The following RIC1 variants were observed in gnomAD, a reference collection of about 807,000 sequenced individuals.
The protein encoded by RIC1 is RIC1 partner of RAB6A GEF complex.
Under a neutral mutation model 169.0 loss-of-function variants are expected in RIC1, and 88 were observed. The ratio of observed to expected loss-of-function variants is 0.52; its 90% CI spans 0.44 to 0.62. The LOEUF (loss-of-function observed/expected upper bound fraction) is 0.62. Among genes scored for constraint, RIC1 ranks in the 20% least tolerant of loss-of-function variants. The pLI is 0.00. For missense variants in RIC1, 1,877 were observed against 1,725.5 expected (o/e 1.09, Z -1.56); for synonymous variants, 790 against 601.5 (o/e 1.31, Z -4.59).
chr9:5,755,237 A>G (rs1380716716), intron 15 of RIC1, among the ~76,000 whole-genome samples: 3 of 152,190 alleles, frequency 2.0e-5, no homozygotes. Context: ...CTGTCCTCAG[A>G]GATAGATTTA....
intron 3 of RIC1, among the ~76,000 whole-genome samples, chr9:5,704,539 A>G (rs1307666278): frequency 6.6e-6 from 1 of 152,034 alleles, no homozygotes; most frequent in African/African-American, 2.4e-5. Context: ...TGGTTTGTTT[A>G]TCTTTGAGTT....
At chr9:5,662,875 T>C (rs1301932882) in intron 2 of RIC1, among the ~76,000 whole-genome samples, 2 of 152,186 alleles carry the variant, frequency 1.3e-5, no homozygotes, top group Admixed American at 6.5e-5. Context: ...TGTCTTCTGC[T>C]AGCTTTTGGG....
At chr9:5,646,132 G>C (rs1291906378) in intron 1 of RIC1, among the ~76,000 whole-genome samples, 1 of 152,226 alleles carries the variant, frequency 6.6e-6, no homozygotes, top group South Asian at 2.1e-4. Flanking sequence ...TGGGTCCAAT[G>C]TGGTATGTCA....
In RIC1 at chr9:5,655,802, G is replaced by C. The variant is rs547388439; in HGVS notation, c.145-781G>C. ...TTTTTTTTAATACCTTGTTGGATTT[G>C]ATTTGCTAATATTTTGTTGAGAGGT... On this transcript the variant is annotated intron_variant, in intron 1 of 25. Transcript: ENST00000414202. Among the ~76,000 whole-genome samples the C allele has an allele frequency of 3.9e-5, 6 of 151,978 alleles. No individual in the cohort carries two copies. In the South Asian group the frequency reaches 8.3e-4, roughly 21 times the overall value.
intron 22 of RIC1, 50 bp downstream of exon 22, chr9:5,769,306 G>A (rs763567176): frequency 4.8e-5 from 77 of 1,613,588 alleles, no homozygotes; most frequent in East Asian, 6.7e-5. Context: ...ATTTTACTCC[G>A]TGTATTTACA....
chr9:5,716,442 G>C (rs944883136), intron 4 of RIC1, among the ~76,000 whole-genome samples: 3 of 152,048 alleles, frequency 2.0e-5, no homozygotes, highest in Admixed American at 6.5e-5. Flanking sequence ...GTGAAACCCT[G>C]TCTCTACTAA....
chr9:5,668,668 T>A (rs1014242654), intron 2 of RIC1, among the ~76,000 whole-genome samples: 6 of 152,328 alleles, frequency 3.9e-5, no homozygotes, highest in African/African-American at 1.4e-4. Flanking sequence ...TGCTATTGAA[T>A]TTCTGTAGTG....
At chr9:5,745,910 C>T (rs1434203026) in intron 10 of RIC1, 21 bp from the exon 11 acceptor site, 1 of 1,589,328 alleles carries the variant, frequency 6.3e-7, no homozygotes, top group Non-Finnish European at 8.6e-7. Flanking sequence ...GACTTTTTTT[C>T]TCCCTCCTCT....
chr9:5,726,135 C>G (rs893702110), intron 6 of RIC1, among the ~76,000 whole-genome samples: 2 of 152,100 alleles, frequency 1.3e-5, no homozygotes, highest in Non-Finnish European at 2.9e-5. Flanking sequence ...TTTGATCTGT[C>G]TAATGTTTAC....
intron 23 of RIC1, among the ~76,000 whole-genome samples, chr9:5,772,233 C>T (rs984042279): frequency 1.2e-4 from 18 of 152,146 alleles, no homozygotes; most frequent in African/African-American, 4.3e-4. Flanking sequence ...ATTACATCTC[C>T]ATGGTTTAGT....
chr9:5,700,170 C>G (rs1236245702), intron 3 of RIC1, among the ~76,000 whole-genome samples: 2 of 152,096 alleles, frequency 1.3e-5, no homozygotes, highest in Non-Finnish European at 2.9e-5. Flanking sequence ...ACCTGATTAA[C>G]CAATACTGAG....
intron 14 of RIC1, among the ~76,000 whole-genome samples, chr9:5,754,199 AAC>A (rs142979477): frequency 3.3e-5 from 5 of 151,486 alleles, no homozygotes; most frequent in South Asian, 2.1e-4. Flanking sequence ...TTTTGATGTA[AAC>A]ACACACACAC....
Position 5,713,896 on chromosome 9 carries a change from A to G in RIC1, c.333A>G (p.Lys111=). 6.2e-7 allele frequency: 1 copy of G among 1,609,764 alleles called. No homozygotes were observed. The highest frequency in any genetic ancestry group is 8.5e-7 in the Non-Finnish European group (1 of 1,176,452). Residue 111 remains lysine, a splice_region_variant and synonymous_variant, in exon 4 of 26, where the codon AAA becomes AAG. Transcript: ENST00000414202. Reference sequence around the variant, plus strand: ...TTTAACTCTATGCTGTTTGTTTTAGAGGAAGTCCACAAATGAAGGGGACAC... The same window carrying G: ...TTTAACTCTATGCTGTTTGTTTTAGGGGAAGTCCACAAATGAAGGGGACAC... ...DKYLYEPVYP[K]GSPQMKGTPH...
chr9:5,731,905 A>G (rs1824391700), intron 6 of RIC1, among the ~76,000 whole-genome samples: 1 of 152,218 alleles, frequency 6.6e-6, no homozygotes, highest in Admixed American at 6.5e-5. Context: ...CCATTACACT[A>G]TAAAGAAGGG....
intron 17 of RIC1, among the ~76,000 whole-genome samples, chr9:5,758,856 C>T (rs547720414): frequency 2.0e-4 from 31 of 151,442 alleles, no homozygotes; most frequent in Admixed American, 1.6e-3. Flanking sequence ...GCAATTCTCC[C>T]GCCTCAGCCT....
chr9:5,743,390 T>C (rs1006331666), intron 9 of RIC1, among the ~76,000 whole-genome samples: 1 of 152,084 alleles, frequency 6.6e-6, no homozygotes, highest in Non-Finnish European at 1.5e-5. Flanking sequence ...CAGTGATTGA[T>C]AGGAGTAGGT....
chr9:5,661,596 A>G (rs572299455), intron 2 of RIC1, among the ~76,000 whole-genome samples: 5 of 152,058 alleles, frequency 3.3e-5, no homozygotes, highest in Admixed American at 6.6e-5. Context: ...TTTGTGACCA[A>G]CTGTGAATGG....
Position 5,756,308 on chromosome 9 carries a change from A to G in RIC1, c.1789A>G (p.Met597Val), listed in dbSNP as rs776887949. The change falls in exon 16 of 26, where the codon ATG becomes GTG. Residue 597 changes from methionine (M) to valine (V), a missense_variant. Physicochemically the swap from Met to Val is conservative, Grantham distance 21. Around this residue, in one of 3 missense-constraint regions of RIC1, gnomAD observed 1,104 missense variants for 992.0 expected, o/e 1.11. Transcript: ENST00000414202. ...ATTACTGCTTAGTGTCTTCCAGGAC[A>G]TGGTAATAGTATTTAGAGCAGACTG... ...ETLLLSVFQDMVIVFRADCSI... is the reference protein window; with the variant it reads ...ETLLLSVFQDVVIVFRADCSI... The G allele has an allele frequency of 8.1e-6, 13 of 1,598,446 alleles. No individual in the cohort carries two copies. The highest frequency in any genetic ancestry group is 6.8e-5 in the South Asian group (6 of 88,418).
chr9:5,742,811 A>AC, intron 8 of RIC1, 58 bp from the exon 9 acceptor site: 1 of 1,474,688 alleles, frequency 6.8e-7, no homozygotes, highest in Non-Finnish European at 9.2e-7. Context: ...AAAAAAAAAA[A>AC]AACAAGTATT....
Sources: gnomAD v4.1 joint callset for allele counts (sites outside exome capture counted in the v4.1 genomes callset) on GRCh38, gnomAD v4.1.1 for gene constraint, gnomAD v4.1.1 regional missense constraint, MANE v1.5 for transcripts, NCBI Gene and HGNC (gene_info 2026-07-23, HGNC 2026-07-21) for gene names.